The following UBAC2 variants were observed in gnomAD, a reference collection of about 807,000 sequenced individuals.
UBAC2 encodes UBA domain containing 2, also known as ubiquitin-associated domain-containing protein 2.
UBAC2 carries 26 observed loss-of-function variants against 44.0 expected under a neutral mutation model. The ratio of observed to expected loss-of-function variants is 0.59; its 90% confidence interval spans 0.43 to 0.82. The LOEUF is 0.82. UBAC2 is among the 40% of genes least tolerant of loss of function. UBAC2 has a pLI of 0.00. For missense variants in UBAC2, 329 were observed against 419.4 expected (o/e 0.78, Z 1.88); for synonymous variants, 155 against 154.3 (o/e 1.00, Z -0.04).
At chr13:99,232,528 G>A (rs1325902397) in intron 1 of UBAC2, among the ~76,000 whole-genome samples, 1 of 151,414 alleles carries the variant, frequency 6.6e-6, no homozygotes, top group East Asian at 1.9e-4. Flanking sequence ...TAATGATACT[G>A]ATACTGTAAT....
At position 99,367,860 on chromosome 13, in the gene UBAC2, G is replaced by A. The variant is rs201880129; in HGVS notation, c.881G>A (p.Arg294Gln). Residue 294 changes from arginine (R) to glutamine (Q), a missense_variant, in exon 8 of 9, where the codon CGG (arginine) becomes CAG (glutamine). Coordinates refer to ENST00000403766, the MANE Select transcript of UBAC2 (RefSeq NM_001144072.2). ...CAAAACGTAAACTATCAGGGCGGTC[G>A]GCAGTCTGAGCCAGCAGCGCCCCCT... ...QRQNVNYQGG[R>Q]QSEPAAPPLE... 1.2e-5 allele frequency: 20 copies of A among 1,613,870 alleles called. No homozygotes were observed. The highest frequency in any genetic ancestry group is 1.2e-4 in the Admixed American group (7 of 60,010).
chr13:99,229,890 A>C (rs2142706069), intron 1 of UBAC2, among the ~76,000 whole-genome samples: 1 of 152,372 alleles, frequency 6.6e-6, no homozygotes, highest in East Asian at 1.9e-4. Context: ...TTTCTTTGTA[A>C]GAAACTTACC....
chr13:99,252,632 A>G (rs759619794), intron 4 of UBAC2, among the ~76,000 whole-genome samples: 7 of 152,080 alleles, frequency 4.6e-5, no homozygotes, highest in Non-Finnish European at 7.4e-5. Flanking sequence ...CTGGCCTTAT[A>G]TACCTATTAT....
At chr13:99,259,408 C>T (rs2043623376) in intron 4 of UBAC2, among the ~76,000 whole-genome samples, 1 of 149,784 alleles carries the variant, frequency 6.7e-6, no homozygotes, top group Non-Finnish European at 1.5e-5. Context: ...TTACTTAAAT[C>T]CTTGCCTTTG....
At chr13:99,341,769 G>A (rs2044893047) in intron 7 of UBAC2, among the ~76,000 whole-genome samples, 2 of 152,288 alleles carry the variant, frequency 1.3e-5, no homozygotes, top group South Asian at 2.1e-4. Flanking sequence ...AGAGAAGAGC[G>A]AAAGGTATGA....
intron 2 of UBAC2, 97 bp from the exon 3 acceptor site, chr13:99,243,735 A>G: frequency 9.1e-7 from 1 of 1,098,332 alleles, no homozygotes; most frequent in Non-Finnish European, 1.3e-6. Context: ...TGTTTAGGAC[A>G]TTAAAAATAG....
intron 4 of UBAC2, among the ~76,000 whole-genome samples, chr13:99,304,355 C>G (rs1003649369): frequency 6.6e-6 from 1 of 152,154 alleles, no homozygotes; most frequent in Non-Finnish European, 1.5e-5. Flanking sequence ...GTTCTCCATC[C>G]TCTGAAAGGC....
chr13:99,255,440 C>T (rs2043532521), intron 4 of UBAC2: 1 of 1,614,078 alleles, frequency 6.2e-7, no homozygotes, highest in East Asian at 2.2e-5. Context: ...ATTATCCAGA[C>T]TCCCACACAC....
intron 7 of UBAC2, among the ~76,000 whole-genome samples, chr13:99,342,807 G>T (rs761420584): frequency 1.3e-5 from 2 of 152,218 alleles, no homozygotes; most frequent in African/African-American, 4.8e-5. Flanking sequence ...AGATCCACAC[G>T]TGTAATTGCC....
intron 1 of UBAC2, among the ~76,000 whole-genome samples, chr13:99,216,288 A>T (rs2042994714): frequency 6.6e-6 from 1 of 152,132 alleles, no homozygotes; most frequent in Admixed American, 6.5e-5. Flanking sequence ...TATTTTTAGT[A>T]GAAACAGGTT....
intron 1 of UBAC2, among the ~76,000 whole-genome samples, chr13:99,223,852 A>G (rs1358062538): frequency 6.6e-6 from 1 of 152,056 alleles, no homozygotes; most frequent in Non-Finnish European, 1.5e-5. Flanking sequence ...AACATGCTTT[A>G]TATGATTTTA....
intron 8 of UBAC2, among the ~76,000 whole-genome samples, chr13:99,370,129 T>C (rs1341629655): frequency 6.6e-6 from 1 of 152,240 alleles, no homozygotes; most frequent in East Asian, 1.9e-4. Flanking sequence ...CAGGACTTGG[T>C]ACATACCGAC....
chr13:99,266,554 T>C (rs1456233546), intron 4 of UBAC2, among the ~76,000 whole-genome samples: 1 of 152,190 alleles, frequency 6.6e-6, no homozygotes, highest in African/African-American at 2.4e-5. Context: ...GGAAACAGTT[T>C]TTCTCTGTAG....
chr13:99,302,406 C>T (rs2044269087), intron 4 of UBAC2, among the ~76,000 whole-genome samples: 1 of 152,176 alleles, frequency 6.6e-6, no homozygotes, highest in Admixed American at 6.5e-5. Context: ...ATCAGGATGG[C>T]AAGCTGGGGC....
Position 99,364,891 on chromosome 13 carries a change from G to A in UBAC2, c.808-2896G>A, listed in dbSNP as rs933063221. Among the ~76,000 whole-genome samples, 27 of 152,266 alleles carry A rather than the reference G, an allele frequency of 1.8e-4. 1 individual carries two copies. The highest frequency in any genetic ancestry group is 8.3e-4 in the South Asian group (4 of 4,818). ...GGGTAGTTCCCGTCTTTGACTGTTGGAAATAATGCTGCTGAGAACGTTCTA... is the reference window on the plus strand; with the variant it reads ...GGGTAGTTCCCGTCTTTGACTGTTGAAAATAATGCTGCTGAGAACGTTCTA... On this transcript the variant is annotated intron_variant, in intron 7 of 8. Coordinates refer to ENST00000403766, the MANE Select transcript of UBAC2 (RefSeq NM_001144072.2).
chr13:99,206,998 C>A lies in UBAC2; in HGVS notation c.31+6059C>A, dbSNP rs1451642548. Among the ~76,000 whole-genome samples the A allele has an allele frequency of 3.9e-5, 6 of 152,360 alleles. No individual in the cohort carries two copies. In the South Asian group the frequency reaches 6.2e-4, roughly 16 times the overall value. ...TCCTGAGGCCCACCCTCCACCGATT[C>A]TGAACTCTTTCTTCCCTGTCTTTTC... is the stretch of plus-strand genomic sequence containing the variant. On this transcript the variant is annotated intron_variant, in intron 1 of 8. Coordinates refer to ENST00000403766, the MANE Select transcript of UBAC2 (RefSeq NM_001144072.2).
At chr13:99,227,369 G>A (rs1014208661) in intron 1 of UBAC2, among the ~76,000 whole-genome samples, 3 of 152,142 alleles carry the variant, frequency 2.0e-5, no homozygotes, top group Non-Finnish European at 4.4e-5. Flanking sequence ...CGTCAGCCCC[G>A]GGAGCTGGCT....
At chr13:99,367,967 T>C (rs1243910324) in intron 8 of UBAC2, 61 bp downstream of exon 8, 1 of 1,576,862 alleles carries the variant, frequency 6.3e-7, no homozygotes, top group Non-Finnish European at 8.6e-7. Context: ...TGAAGCAGTT[T>C]CGATCAACAG....
At chr13:99,358,068 G>A (rs1457027881) in intron 7 of UBAC2, among the ~76,000 whole-genome samples, 2 of 152,166 alleles carry the variant, frequency 1.3e-5, no homozygotes, top group Non-Finnish European at 2.9e-5. Flanking sequence ...AGCTGTCCTG[G>A]GGAAGGGATG....
Sources: allele counts gnomAD v4.1 joint callset (sites outside exome capture counted in the v4.1 genomes callset), GRCh38; gene constraint gnomAD v4.1.1; transcripts MANE v1.5; gene names NCBI Gene and HGNC (gene_info 2026-07-23, HGNC 2026-07-21).